ANKS1B: variants seen among roughly 807,000 people sequenced by gnomAD.
The protein encoded by ANKS1B is ankyrin repeat and sterile alpha motif domain containing 1B.
ANKS1B carries 36 observed loss-of-function variants against 148.3 expected under a neutral mutation model. That is an observed-to-expected ratio of 0.24 (90% confidence interval 0.19 to 0.32). The LOEUF is 0.32. Ranked by LOEUF, ANKS1B falls within the 10% of genes least tolerant of loss-of-function variation. ANKS1B has a pLI of 1.00. For synonymous variants in ANKS1B, 542 were observed against 560.8 expected (o/e 0.97, Z 0.47); for missense variants, 1,157 against 1,542.6 (o/e 0.75, Z 4.19).
At position 99,545,746 on chromosome 12, in the gene ANKS1B, A is replaced by G. The variant is rs1249285349; in HGVS notation, c.1273-41105T>C. Reference sequence around the variant, plus strand: ...TGTACCTTTTGCAATATATATATACACACACATATATATATATTTTACACA... The same window carrying G: ...TGTACCTTTTGCAATATATATATACGCACACATATATATATATTTTACACA... On this transcript the variant is annotated intron_variant, in intron 9 of 26. Transcript: ENST00000683438. Among the ~76,000 whole-genome samples the G allele has an allele frequency of 2.1e-5, 3 of 146,224 alleles. No homozygotes were observed. In the East Asian group the frequency reaches 6.0e-4, roughly 29 times the overall value.
intron 9 of ANKS1B, among the ~76,000 whole-genome samples, chr12:99,625,017 T>G (rs893436649): frequency 6.6e-6 from 1 of 151,920 alleles, no homozygotes; most frequent in African/African-American, 2.4e-5. Context: ...AATGGTAAAT[T>G]TGATAAATAA....
In ANKS1B at chr12:99,782,915, C is replaced by T. The variant is rs138833641; in HGVS notation, c.670-818G>A. ...AAATTGAAAATGCATTTAGGCTGGGCGCAGTGGCTCATGCCTGTAATCCCA... is the reference window on the plus strand; with the variant it reads ...AAATTGAAAATGCATTTAGGCTGGGTGCAGTGGCTCATGCCTGTAATCCCA... On this transcript the variant is annotated intron_variant, in intron 4 of 26. Coordinates refer to ENST00000683438, the MANE Select transcript of ANKS1B (RefSeq NM_001352186.2). Among the ~76,000 whole-genome samples, 6 of 152,194 alleles carry T rather than the reference C, an allele frequency of 3.9e-5. No homozygotes were observed. The East Asian group carries it at 7.8e-4, about 20-fold the overall frequency.
chr12:98,819,938 G>T (rs1202274698), intron 19 of ANKS1B, among the ~76,000 whole-genome samples: 1 of 152,162 alleles, frequency 6.6e-6, no homozygotes, highest in Non-Finnish European at 1.5e-5. Context: ...TGAAGCAATT[G>T]TTTACTATCT....
At chr12:99,136,915 T>C (rs2068286300) in intron 15 of ANKS1B, among the ~76,000 whole-genome samples, 1 of 152,238 alleles carries the variant, frequency 6.6e-6, no homozygotes, top group Admixed American at 6.5e-5. Context: ...TCATTGTTCC[T>C]GTGTCTATGT....
intron 12 of ANKS1B, among the ~76,000 whole-genome samples, chr12:99,396,719 C>T (rs2094255777): frequency 6.6e-6 from 1 of 152,042 alleles, no homozygotes; most frequent in Non-Finnish European, 1.5e-5. Flanking sequence ...GGCTTTGGGA[C>T]TAGACCTAAA....
intron 8 of ANKS1B, among the ~76,000 whole-genome samples, chr12:99,689,496 T>C (rs989644345): frequency 1.4e-4 from 22 of 152,196 alleles, no homozygotes; most frequent in African/African-American, 5.1e-4. Flanking sequence ...CTGTGAATAA[T>C]ATGCAACATC....
chr12:99,923,342 G>A (rs1027200990), intron 1 of ANKS1B, among the ~76,000 whole-genome samples: 3 of 152,188 alleles, frequency 2.0e-5, no homozygotes, highest in Admixed American at 6.6e-5. Flanking sequence ...CATATGCAAA[G>A]GCATTCTGAG....
chr12:98,948,934 T>A (rs2099849653), intron 17 of ANKS1B, among the ~76,000 whole-genome samples: 2 of 148,548 alleles, frequency 1.3e-5, no homozygotes, highest in Admixed American at 1.3e-4. Context: ...GGGTGAGATA[T>A]GAGCATGAGC....
intron 15 of ANKS1B, among the ~76,000 whole-genome samples, chr12:99,124,405 C>T (rs573024406): frequency 7.9e-6 from 1 of 125,858 alleles, no homozygotes; most frequent in Non-Finnish European, 1.7e-5. Context: ...CATGCACAAA[C>T]TTATTTGTGT....
chr12:99,526,463 G>A (rs146552297), intron 9 of ANKS1B, among the ~76,000 whole-genome samples: 3 of 152,254 alleles, frequency 2.0e-5, no homozygotes, highest in Admixed American at 2.0e-4. Flanking sequence ...TGGATATGCT[G>A]TATGTTTCTA....
intron 9 of ANKS1B, among the ~76,000 whole-genome samples, chr12:99,544,107 AG>A (rs752208845): frequency 3.9e-5 from 6 of 152,142 alleles, no homozygotes; most frequent in Non-Finnish European, 7.4e-5. Flanking sequence ...TGTAAGAAAA[AG>A]AAAAATAATA....
chr12:99,776,942 C>A (rs1017297123), intron 6 of ANKS1B, among the ~76,000 whole-genome samples: 1 of 152,126 alleles, frequency 6.6e-6, no homozygotes, highest in Non-Finnish European at 1.5e-5. Flanking sequence ...CTCGGCCTCC[C>A]AAAGTGCTGG....
At chr12:99,166,530 C>T (rs937165024) in intron 14 of ANKS1B, among the ~76,000 whole-genome samples, 8 of 151,756 alleles carry the variant, frequency 5.3e-5, no homozygotes, top group African/African-American at 1.9e-4. Context: ...TACAACAGCA[C>T]CAAAACTATG....
intron 17 of ANKS1B, among the ~76,000 whole-genome samples, chr12:98,927,571 T>C (rs1043974224): frequency 2.0e-5 from 3 of 152,012 alleles, no homozygotes; most frequent in Admixed American, 6.6e-5. Flanking sequence ...AATTGAAATT[T>C]TTTTCTTTTA....
intron 11 of ANKS1B, among the ~76,000 whole-genome samples, chr12:99,436,638 C>T (rs1594779049): frequency 6.6e-6 from 1 of 151,930 alleles, no homozygotes; most frequent in South Asian, 2.1e-4. Context: ...TTTTTTGTAA[C>T]CCCAGTTCTA....
intron 12 of ANKS1B, among the ~76,000 whole-genome samples, chr12:99,358,899 G>C (rs180916769): frequency 2.6e-5 from 4 of 152,248 alleles, no homozygotes; most frequent in Non-Finnish European, 5.9e-5. Flanking sequence ...ACTACAGATA[G>C]GCTATCCTAG....
intron 9 of ANKS1B, among the ~76,000 whole-genome samples, chr12:99,515,025 T>C (rs1447297240): frequency 6.6e-6 from 1 of 152,032 alleles, no homozygotes; most frequent in Non-Finnish European, 1.5e-5. Context: ...AAAAAAACTT[T>C]TAAATATGCA....
chr12:99,484,228 G>C (rs2096455949), intron 10 of ANKS1B, among the ~76,000 whole-genome samples: 1 of 151,848 alleles, frequency 6.6e-6, no homozygotes, highest in South Asian at 2.1e-4. Context: ...AATTTTTAAA[G>C]TTCCATCTTA....
chr12:99,405,257 T>C (rs1308550976), intron 11 of ANKS1B, among the ~76,000 whole-genome samples: 1 of 145,434 alleles, frequency 6.9e-6, no homozygotes, highest in Non-Finnish European at 1.5e-5. Context: ...TATAACACTG[T>C]AATTGGGATG....
Sources: allele counts gnomAD v4.1 joint callset (sites outside exome capture counted in the v4.1 genomes callset), GRCh38; gene constraint gnomAD v4.1.1; transcripts MANE v1.5; gene names NCBI Gene and HGNC (gene_info 2026-07-23, HGNC 2026-07-21).